F9: variants seen among roughly 807,000 people sequenced by gnomAD.
F9 encodes the protein coagulation factor IX.
Under a neutral mutation model 34.1 loss-of-function variants are expected in F9, and 2 were observed. The ratio of observed to expected loss-of-function variants is 0.06; its 90% CI spans 0.02 to 0.18. The LOEUF (loss-of-function observed/expected upper bound fraction) is 0.18. Among genes scored for constraint, F9 ranks in the 10% least tolerant of loss-of-function variants. The pLI is 1.00. For synonymous variants in F9, 137 were observed against 118.8 expected, an observed-to-expected ratio of 1.15 and a Z score of -1.00; for missense variants, 216 against 345.1, an observed-to-expected ratio of 0.63 and a Z score of 2.96.
chrX:139,548,735 T>G (rs1927776097), intron 5 of F9, among the ~76,000 whole-genome samples: 1 of 112,057 alleles, frequency 8.9e-6, no homozygotes, highest in African/African-American at 3.2e-5. Context: ...CTCTAACATT[T>G]ATATCACAAA....
chrX:139,545,258 G>T (rs1927689749), intron 4 of F9: 1 of 112,026 alleles, frequency 8.9e-6, no homozygotes, highest in Admixed American at 9.5e-5. Context: ...CAAGGGGAAA[G>T]GTGTCTTACA....
intron 3 of F9, among the ~76,000 whole-genome samples, chrX:139,540,042 T>C (rs1927567644): frequency 9.0e-6 from 1 of 111,431 alleles, no homozygotes; most frequent in Admixed American, 9.6e-5. Context: ...TATTGTTATC[T>C]TTATCTCTTA....
At chrX:139,559,728 G>A (rs1928053864) in intron 6 of F9, among the ~76,000 whole-genome samples, 1 of 111,791 alleles carries the variant, frequency 8.9e-6, no homozygotes, top group East Asian at 2.8e-4. Flanking sequence ...GGACTACCTC[G>A]TTTCCCTTGT....
chrX:139,534,814 G>T (rs892333014), intron 1 of F9, among the ~76,000 whole-genome samples: 1 of 111,634 alleles, frequency 9.0e-6, no homozygotes, highest in African/African-American at 3.3e-5. Flanking sequence ...AGGCATGGAT[G>T]CTATTTAGGA....
At chrX:139,559,596 TTGTAGGTC>T (rs1280884158) in intron 6 of F9, among the ~76,000 whole-genome samples, 2 of 110,982 alleles carry the variant, frequency 1.8e-5, no homozygotes, top group East Asian at 2.8e-4. Context: ...TGAGTCAGCT[TTGTAGGTC>T]TCCAGGTAGG....
chrX:139,548,668 A>G, intron 5 of F9, among the ~76,000 whole-genome samples, 177 bp downstream of exon 5: 1 of 112,074 alleles, frequency 8.9e-6, no homozygotes, highest in Non-Finnish European at 1.9e-5. Flanking sequence ...TTAAATATAA[A>G]CTATGTAATC....
intron 4 of F9, 55 bp from the exon 5 acceptor site, chrX:139,548,308 C>T (rs1292703668): frequency 8.5e-7 from 1 of 1,177,487 alleles, no homozygotes; most frequent in African/African-American, 1.8e-5. Context: ...GTTCCATGTA[C>T]TTTTTAGAAA....
In F9 at chrX:139,560,352, A is replaced by G. The variant is rs745490184; in HGVS notation, c.724-389A>G. Among the ~76,000 whole-genome samples, 5 of 112,161 alleles carry G rather than the reference A, an allele frequency of 4.5e-5. No individual in the cohort carries two copies. In the East Asian group the frequency reaches 1.1e-3, roughly 25 times the overall value. ...ATGTAGGTACAGGGAACACCCTAATAACTATTAATCTCAAGGAGTCAAGCC... is the reference window on the plus strand; with the variant it reads ...ATGTAGGTACAGGGAACACCCTAATGACTATTAATCTCAAGGAGTCAAGCC... On this transcript the variant is annotated intron_variant, in intron 6 of 7. Coordinates refer to ENST00000218099, the MANE Select transcript of F9 (RefSeq NM_000133.4).
intron 6 of F9, among the ~76,000 whole-genome samples, chrX:139,557,294 T>C (rs937345448): frequency 8.9e-6 from 1 of 112,347 alleles, no homozygotes; most frequent in Non-Finnish European, 1.9e-5. Context: ...AATATTTTGA[T>C]AGCTATGATC....
chrX:139,557,793 G>T (rs751559213), intron 6 of F9, among the ~76,000 whole-genome samples: 6 of 112,857 alleles, frequency 5.3e-5, no homozygotes, highest in African/African-American at 1.3e-4. Context: ...GCGTACTTAC[G>T]CAGGGCTTTG....
intron 3 of F9, among the ~76,000 whole-genome samples, chrX:139,538,007 C>A (rs1927523915): frequency 9.0e-6 from 1 of 111,533 alleles, no homozygotes; most frequent in Non-Finnish European, 1.9e-5. Context: ...CTTAATGAGG[C>A]CTACCTTCAC....
chrX:139,554,505 A>T (rs778159634), intron 6 of F9, among the ~76,000 whole-genome samples: 45 of 112,494 alleles, frequency 4.0e-4, no homozygotes, highest in Non-Finnish European at 5.6e-4. Flanking sequence ...ATATGAGATA[A>T]ATTGAGTGTA....
intron 6 of F9, among the ~76,000 whole-genome samples, chrX:139,553,812 CAA>C (rs3073312): frequency 4.9e-4 from 6 of 12,206 alleles, no homozygotes; most frequent in Admixed American, 1.1e-3. Flanking sequence ...GACTCCGTCT[CAA>C]AAAAAAAAAA....
At chrX:139,542,044 A>G (rs1009088022) in intron 4 of F9, among the ~76,000 whole-genome samples, 5 of 111,670 alleles carry the variant, frequency 4.5e-5, no homozygotes, top group African/African-American at 6.5e-5. Context: ...GAAGAATTTA[A>G]CACCACAGGC....
At chrX:139,538,146 A>C (rs1207310431) in intron 3 of F9, among the ~76,000 whole-genome samples, 1 of 111,894 alleles carries the variant, frequency 8.9e-6, no homozygotes, top group Non-Finnish European at 1.9e-5. Context: ...CATACTATTT[A>C]TCATTTATTT....
chrX:139,536,781 C>T (rs1017580561), intron 1 of F9, among the ~76,000 whole-genome samples: 4 of 111,763 alleles, frequency 3.6e-5, no homozygotes, highest in African/African-American at 1.3e-4. Flanking sequence ...AGAAATCTGA[C>T]CTTTTATTAC....
At chrX:139,532,518 C>CA (rs1927366182) in intron 1 of F9, among the ~76,000 whole-genome samples, 1 of 111,371 alleles carries the variant, frequency 9.0e-6, no homozygotes, top group African/African-American at 3.3e-5. Flanking sequence ...ACTATGGTGC[C>CA]AGGTACTGTG....
intron 5 of F9, among the ~76,000 whole-genome samples, chrX:139,550,540 C>T (rs902179166): frequency 9.0e-6 from 1 of 110,962 alleles, no homozygotes; most frequent in Non-Finnish European, 1.9e-5. Flanking sequence ...ATATTTGAAG[C>T]CCAAATAATT....
At chrX:139,536,216 C>CACATATATGT (rs1569481880) in intron 1 of F9, among the ~76,000 whole-genome samples, 1 of 89,257 alleles carries the variant, frequency 1.1e-5, no homozygotes, top group Non-Finnish European at 2.3e-5. Flanking sequence ...TATACACACA[C>CACATATATGT]ATATATATGT....
Sources: allele counts gnomAD v4.1 joint callset (sites outside exome capture counted in the v4.1 genomes callset), GRCh38; gene constraint gnomAD v4.1.1; transcripts MANE v1.5; gene names NCBI Gene and HGNC (gene_info 2026-07-23, HGNC 2026-07-21).